Variants in PARP15 observed in about 807,000 individuals in gnomAD.
PARP15 encodes poly(ADP-ribose) polymerase family member 15, also known as protein mono-ADP-ribosyltransferase PARP15.
Under a neutral mutation model 62.1 loss-of-function variants are expected in PARP15, and 50 were observed. The ratio of observed to expected loss-of-function variants is 0.81; its 90% CI spans 0.64 to 1.02. The LOEUF (loss-of-function observed/expected upper bound fraction) is 1.02. PARP15 is among the 50% of genes least tolerant of loss of function. The pLI is 0.00. For missense variants in PARP15, 820 were observed against 826.5 expected (o/e 0.99, Z 0.10); for synonymous variants, 309 against 293.1 (o/e 1.05, Z -0.55).
rs865979630 is a variant in PARP15, at chr3:122,606,011, G to T, written c.262G>T (p.Gly88Cys). ...NVVASIQTKE[G>C]LNLKLISGDV... ...TGTAGCTTCAATCCAAACCAAAGAA[G>T]GTCTGAATCTCAAGTTGATAAGTGG... Residue 88 changes from glycine to cysteine, a missense_variant, in exon 2 of 12, where the codon GGT becomes TGT. By Grantham distance (159) the Gly-to-Cys change is radical. This residue lies in a region of PARP15 where 731 missense variants were observed against 727.7 expected (regional missense o/e 1.00). Transcript: ENST00000464300. The T allele has an allele frequency of 1.9e-6, 3 of 1,552,004 alleles. No homozygotes were observed. Among genetic ancestry groups the T allele is most frequent in the African/African-American group, 2.7e-5 (2 of 73,118 alleles).
In PARP15 at chr3:122,605,943, A is replaced by G; in HGVS notation, c.194A>G (p.Asp65Gly). 6.4e-7 allele frequency: 1 copy of G among 1,551,438 alleles called. No individual in the cohort carries two copies. The change falls in exon 2 of 12, where the codon GAC becomes GGC. Residue 65 changes from aspartate (D) to glycine (G), a missense_variant. Coordinates refer to ENST00000464300, the MANE Select transcript of PARP15 (RefSeq NM_001113523.3). Reference protein sequence around the residue: ...RRSSSRSMSRDNKFSKKDCLS... With the variant: ...RRSSSRSMSRGNKFSKKDCLS... ...TTACTGTTTTCTCCACAGTCCAGAG[A>G]CAACAAGTTCAGCAAGAAAGATTGT... is the stretch of plus-strand genomic sequence containing the variant.
In PARP15 at chr3:122,635,221, C is replaced by G. The variant is rs368416994; in HGVS notation, c.1747+27C>G. The stretch of plus-strand genomic sequence containing the variant: ...TAAGGAAGCAAGTAATTTGGCTGAT[C>G]AGAATAAGGCAAACAATAGTCTCAG... On this transcript the variant is annotated intron_variant, in intron 11 of 11. Transcript: ENST00000464300. The G allele has an allele frequency of 1.9e-6, 3 of 1,601,616 alleles. No homozygotes were observed. In the African/African-American group the frequency reaches 4.0e-5, roughly 22 times the overall value.
At chr3:122,578,178 A>AT (rs1398753986) in intron 1 of PARP15, among the ~76,000 whole-genome samples, 1 of 150,042 alleles carries the variant, frequency 6.7e-6, no homozygotes, top group Non-Finnish European at 1.5e-5. Flanking sequence ...GAGTTTGCTT[A>AT]TGGGGGGCTT....
Position 122,636,640 on chromosome 3 carries a change from G to A in PARP15, c.*540G>A. The A allele has an allele frequency of 6.5e-6, 1 of 153,158 alleles. No individual in the cohort carries two copies. Among genetic ancestry groups the A allele is most frequent in the Admixed American group, 6.4e-5 (1 of 15,522 alleles). The allele number at this position is 153,158 out of a possible 1,614,324, so 9.5% of individuals were successfully genotyped here. On this transcript the variant is annotated 3_prime_UTR_variant, in exon 12 of 12. Transcript: ENST00000464300. Reference sequence around the variant, plus strand: ...ACAGATTTTACCTGTTTACATTTCAGGTAAAAATGTATCGCATTGTTATCT... The same window carrying A: ...ACAGATTTTACCTGTTTACATTTCAAGTAAAAATGTATCGCATTGTTATCT...
chr3:122,593,341 C>T (rs1053020863), intron 1 of PARP15, among the ~76,000 whole-genome samples: 2 of 152,040 alleles, frequency 1.3e-5, no homozygotes, highest in Non-Finnish European at 2.9e-5. Flanking sequence ...GGGGTTTCAC[C>T]ATGTTGGCCA....
intron 1 of PARP15, among the ~76,000 whole-genome samples, chr3:122,584,892 A>G (rs1286329811): frequency 6.6e-6 from 1 of 152,060 alleles, no homozygotes; most frequent in Non-Finnish European, 1.5e-5. Flanking sequence ...TCCATTTTTC[A>G]AGAGATTTTG....
intron 1 of PARP15, among the ~76,000 whole-genome samples, chr3:122,588,969 C>T (rs1229844552): frequency 1.3e-5 from 2 of 152,120 alleles, no homozygotes; most frequent in Non-Finnish European, 2.9e-5. Context: ...TTTTATTTAT[C>T]CATTCAGTTG....
intron 1 of PARP15, among the ~76,000 whole-genome samples, chr3:122,602,305 G>C (rs148031618): frequency 6.6e-6 from 1 of 152,156 alleles, no homozygotes; most frequent in South Asian, 2.1e-4. Context: ...CAGATGGTAC[G>C]TAGACAATAA....
In PARP15 at chr3:122,619,821, G is replaced by A. The variant is rs1185729378; in HGVS notation, c.1041G>A (p.Val347=). The A allele has an allele frequency of 6.2e-7, 1 of 1,613,684 alleles. No individual in the cohort carries two copies. The highest frequency in any genetic ancestry group is 1.7e-5 in the Admixed American group (1 of 60,014). ...RAILEGAGQA[V]ESECAVLAAQ... is the part of the protein sequence containing the mutation. ...TTTTAGAAGGTGCTGGACAAGCTGT[G>A]GAAAGTGAATGTGCTGTACTAGGTA... The change falls in exon 7 of 12, where the codon GTG becomes GTA. Residue 347 remains valine (V), a synonymous_variant. Transcript: ENST00000464300.
intron 5 of PARP15, 116 bp from the exon 6 acceptor site, chr3:122,616,899 T>G: frequency 8.2e-7 from 1 of 1,219,562 alleles, no homozygotes; most frequent in Non-Finnish European, 1.1e-6. Flanking sequence ...ATATTTCGGT[T>G]TATGTTGGGG....
chr3:122,622,786 T>G (rs1936432042), intron 8 of PARP15, among the ~76,000 whole-genome samples: 1 of 152,232 alleles, frequency 6.6e-6, no homozygotes, highest in Non-Finnish European at 1.5e-5. Context: ...ACTCACTTCC[T>G]GATTCATTCA....
intron 2 of PARP15, among the ~76,000 whole-genome samples, chr3:122,608,922 A>AT (rs994582269): frequency 9.3e-5 from 14 of 150,766 alleles, no homozygotes; most frequent in South Asian, 2.1e-4. Flanking sequence ...CCACTAGCTA[A>AT]TTTTTTTTTA....
At chr3:122,579,701 G>C (rs6438744) in intron 1 of PARP15, among the ~76,000 whole-genome samples, 1 of 151,636 alleles carries the variant, frequency 6.6e-6, no homozygotes, top group African/African-American at 2.4e-5. Flanking sequence ...ATTGAGGGCC[G>C]GTCGCGGTGG....
intron 9 of PARP15, among the ~76,000 whole-genome samples, chr3:122,627,696 T>C (rs768045987): frequency 6.6e-6 from 1 of 152,240 alleles, no homozygotes; most frequent in Non-Finnish European, 1.5e-5. Flanking sequence ...ACTGTGAGTT[T>C]TGCTAGTGAT....
Position 122,610,643 on chromosome 3 carries a change from C to A in PARP15, c.456C>A (p.Phe152Leu), listed in dbSNP as rs747514786. The A allele has an allele frequency of 4.4e-5, 68 of 1,551,408 alleles. No homozygotes were observed. Among genetic ancestry groups the A allele is most frequent in the Non-Finnish European group, 5.5e-5 (63 of 1,146,894 alleles). The change falls in exon 3 of 12, where the codon TTC (phenylalanine) becomes TTA (leucine). Residue 152 changes from phenylalanine to leucine, a missense_variant. This residue lies in a region of PARP15 where 731 missense variants were observed against 727.7 expected (regional missense o/e 1.00). Coordinates refer to ENST00000464300, the MANE Select transcript of PARP15 (RefSeq NM_001113523.3). The stretch of plus-strand genomic sequence containing the variant: ...CAGAGGAAAAAGTAGGTAACATATT[C>A]ATGACAAGCGGCTGCAATCTGGACT... ...RETEEKVGNI[F>L]MTSGCNLDCK...
intron 1 of PARP15, among the ~76,000 whole-genome samples, chr3:122,586,356 AC>A (rs924653480): frequency 4.6e-5 from 7 of 151,984 alleles, no homozygotes; most frequent in Admixed American, 4.6e-4. Flanking sequence ...ACAGGAACAC[AC>A]CACCATGCCC....
At chr3:122,631,976 C>T (rs1937081669) in intron 9 of PARP15, 110 bp from the exon 10 acceptor site, 3 of 1,222,666 alleles carry the variant, frequency 2.5e-6, no homozygotes, top group Middle Eastern at 1.9e-4. Context: ...TGTAACTTCT[C>T]CTTTAAAGAC....
intron 8 of PARP15, among the ~76,000 whole-genome samples, chr3:122,623,669 A>G (rs1262526393): frequency 1.3e-5 from 2 of 152,216 alleles, no homozygotes; most frequent in South Asian, 2.1e-4. Context: ...CTGTGAATAC[A>G]TTGTGAGATC....
rs1452039048 is a variant in PARP15, at chr3:122,597,181, G to T, written c.187-8755G>T. On this transcript the variant is annotated intron_variant, in intron 1 of 11. Coordinates refer to ENST00000464300, the MANE Select transcript of PARP15 (RefSeq NM_001113523.3). ...TCCTCACGTGGCAGAGAGGTAGAAG[G>T]CTTCTGAAAGCCTTTTTAAAATAAT... Among the ~76,000 whole-genome samples the T allele has an allele frequency of 2.0e-5, 3 of 152,228 alleles. No homozygotes were observed. The East Asian group carries it at 5.8e-4, about 29-fold the overall frequency.
Sources: gnomAD v4.1 joint callset for allele counts (sites outside exome capture counted in the v4.1 genomes callset) on GRCh38, gnomAD v4.1.1 for gene constraint, gnomAD v4.1.1 regional missense constraint, MANE v1.5 for transcripts, NCBI Gene and HGNC (gene_info 2026-07-23, HGNC 2026-07-21) for gene names.